Variants in AGBL4 observed in about 807,000 individuals in gnomAD.
AGBL4 encodes cytosolic carboxypeptidase 6.
A neutral mutation model predicts 66.4 loss-of-function variants in AGBL4; 58 were observed. The ratio of observed to expected loss-of-function variants is 0.87; its 90% CI spans 0.71 to 1.09. The LOEUF is 1.09. Ranked by LOEUF, AGBL4 falls within the 50% of genes least tolerant of loss-of-function variation. The pLI, the probability that AGBL4 is intolerant of heterozygous loss-of-function variation, is 0.00. For missense variants in AGBL4, 579 were observed against 631.0 expected, an observed-to-expected ratio of 0.92 and a Z score of 0.88; for synonymous variants, 234 against 222.9, an observed-to-expected ratio of 1.05 and a Z score of -0.44.
chr1:49,694,825 C>G (rs1646954331), intron 3 of AGBL4, among the ~76,000 whole-genome samples: 5 of 152,086 alleles, frequency 3.3e-5, no homozygotes, highest in Admixed American at 3.3e-4. Flanking sequence ...AAAAGGCTAT[C>G]TCAAGTAGTT....
intron 2 of AGBL4, among the ~76,000 whole-genome samples, chr1:49,800,334 TA>T (rs1644828493): frequency 6.6e-6 from 1 of 150,820 alleles, no homozygotes; most frequent in Non-Finnish European, 1.5e-5. Flanking sequence ...GAACTCCATT[TA>T]TTTTTTTTAT....
intron 3 of AGBL4, among the ~76,000 whole-genome samples, chr1:49,593,495 A>C (rs975175383): frequency 6.6e-6 from 1 of 152,234 alleles, no homozygotes; most frequent in African/African-American, 2.4e-5. Context: ...AAACTGGTTC[A>C]ATAAATTGTA....
At chr1:49,178,874 A>G (rs944076095) in intron 4 of AGBL4, among the ~76,000 whole-genome samples, 3 of 152,222 alleles carry the variant, frequency 2.0e-5, no homozygotes, top group Non-Finnish European at 4.4e-5. Flanking sequence ...AAGTAGGTAA[A>G]GATTCATCCA....
intron 1 of AGBL4, among the ~76,000 whole-genome samples, chr1:49,935,319 A>G (rs1653854807): frequency 6.6e-6 from 1 of 152,232 alleles, no homozygotes; most frequent in African/African-American, 2.4e-5. Context: ...TTAGATAAAC[A>G]AAGCAGCCGG....
chr1:48,672,626 A>T (rs1315982876), intron 6 of AGBL4, among the ~76,000 whole-genome samples: 1 of 152,196 alleles, frequency 6.6e-6, no homozygotes, highest in Non-Finnish European at 1.5e-5. Context: ...ATGCAGTTCC[A>T]GTGGGCCCCT....
At chr1:49,150,250 G>A (rs540597402) in intron 4 of AGBL4, among the ~76,000 whole-genome samples, 5 of 152,186 alleles carry the variant, frequency 3.3e-5, no homozygotes, top group South Asian at 2.1e-4. Flanking sequence ...GTACATTGTC[G>A]TTCCTCCCTT....
intron 2 of AGBL4, among the ~76,000 whole-genome samples, chr1:49,764,569 G>T (rs115479172): frequency 1.3e-5 from 2 of 152,172 alleles, no homozygotes; most frequent in African/African-American, 2.4e-5. Flanking sequence ...CCATCAGGAC[G>T]TCTAGGGGCC....
chr1:48,858,626 C>T (rs114458788), intron 6 of AGBL4, among the ~76,000 whole-genome samples: 4,840 of 152,188 alleles, frequency 0.032, 268 homozygotes, highest in African/African-American at 0.11. Flanking sequence ...CCACAATAGG[C>T]AAATCCATAG....
intron 1 of AGBL4, among the ~76,000 whole-genome samples, chr1:49,907,051 T>A (rs575057015): frequency 1.3e-4 from 20 of 152,160 alleles, no homozygotes; most frequent in Non-Finnish European, 2.2e-4. Flanking sequence ...TTTCTGCCCA[T>A]GCTGACCATG....
At chr1:48,732,670 A>G (rs546724776) in intron 6 of AGBL4, among the ~76,000 whole-genome samples, 44 of 152,244 alleles carry the variant, frequency 2.9e-4, no homozygotes, top group African/African-American at 8.4e-4. Context: ...GCTACAGCAC[A>G]ATAGCAAATG....
At chr1:49,703,680 T>G (rs938088945) in intron 2 of AGBL4, among the ~76,000 whole-genome samples, 2 of 151,988 alleles carry the variant, frequency 1.3e-5, no homozygotes, top group Non-Finnish European at 2.9e-5. Context: ...AGGGTGTCCT[T>G]CTATTCAACA....
intron 4 of AGBL4, among the ~76,000 whole-genome samples, chr1:49,231,860 G>C (rs899779817): frequency 6.6e-6 from 1 of 152,088 alleles, no homozygotes; most frequent in Non-Finnish European, 1.5e-5. Flanking sequence ...TATTCAATAA[G>C]TTATATAAGG....
intron 1 of AGBL4, among the ~76,000 whole-genome samples, chr1:49,904,234 G>A (rs1015244072): frequency 6.6e-6 from 1 of 152,038 alleles, no homozygotes; most frequent in African/African-American, 2.4e-5. Flanking sequence ...TACAACTTTA[G>A]ACCTTGAAGG....
chr1:48,758,758 T>C (rs1228997286), intron 6 of AGBL4: 3 of 687,530 alleles, frequency 4.4e-6, no homozygotes, highest in African/African-American at 3.6e-5. Flanking sequence ...GACTCTTCCT[T>C]GAGGTAACTG....
chr1:49,813,644 A>T (rs1183765821), intron 2 of AGBL4, among the ~76,000 whole-genome samples: 3 of 152,172 alleles, frequency 2.0e-5, no homozygotes, highest in African/African-American at 7.2e-5. Context: ...GGTGCTGGGG[A>T]CATAAAGTAC....
intron 3 of AGBL4, among the ~76,000 whole-genome samples, chr1:49,399,229 T>C (rs1192149574): frequency 1.3e-5 from 2 of 152,226 alleles, no homozygotes; most frequent in Non-Finnish European, 2.9e-5. Context: ...TCACATTTTC[T>C]TTATCCATTC....
At chr1:49,620,754 T>C (rs1645343847) in intron 3 of AGBL4, among the ~76,000 whole-genome samples, 1 of 152,210 alleles carries the variant, frequency 6.6e-6, no homozygotes, top group Admixed American at 6.5e-5. Context: ...GTCAAGTGCC[T>C]GGTGAATAAC....
intron 3 of AGBL4, among the ~76,000 whole-genome samples, chr1:49,503,393 T>A (rs944720868): frequency 1.3e-5 from 2 of 152,100 alleles, no homozygotes; most frequent in African/African-American, 2.4e-5. Flanking sequence ...AAGGGAAATA[T>A]GGGGTTGGAG....
At chr1:49,029,201 CTATCCAT>C (rs1405680513) in intron 5 of AGBL4, among the ~76,000 whole-genome samples, 28 of 152,200 alleles carry the variant, frequency 1.8e-4, no homozygotes, top group Non-Finnish European at 3.7e-4. Context: ...TTCAACTAAA[CTATCCAT>C]AATGGCCCAG....
Sources: gnomAD v4.1 joint callset for allele counts (sites outside exome capture counted in the v4.1 genomes callset) on GRCh38, gnomAD v4.1.1 for gene constraint, MANE v1.5 for transcripts, NCBI Gene and HGNC (gene_info 2026-07-23, HGNC 2026-07-21) for gene names.